Variants in BST1 observed in about 807,000 individuals in gnomAD.
BST1 encodes bone marrow stromal cell antigen 1.
BST1 carries 49 observed loss-of-function variants against 40.6 expected under a neutral mutation model. The ratio of observed to expected loss-of-function variants is 1.21; its 90% CI spans 0.96 to 1.53. The LOEUF is 1.53. BST1 is among the 40% of genes most tolerant of loss of function. The pLI is 0.00. For missense variants in BST1, 423 were observed against 395.9 expected (o/e 1.07, Z -0.58); for synonymous variants, 157 against 159.3 (o/e 0.99, Z 0.11).
At chr4:15,745,326 CATG>C in the BST1 span, among the ~76,000 whole-genome samples, 7 of 152,120 alleles carry the variant, frequency 4.6e-5, no homozygotes, top group Non-Finnish European at 8.8e-5. Context: ...TGTTGTAATT[CATG>C]ATAACTATTA....
At chr4:15,759,034 T>A in the BST1 span, among the ~76,000 whole-genome samples, 1 of 151,930 alleles carries the variant, frequency 6.6e-6, no homozygotes, top group Non-Finnish European at 1.5e-5. Flanking sequence ...CAAGTCCCAT[T>A]TCCACCACAC....
At chr4:15,756,807 G>A in the BST1 span, among the ~76,000 whole-genome samples, 1 of 152,130 alleles carries the variant, frequency 6.6e-6, no homozygotes, top group African/African-American at 2.4e-5. Context: ...TTTCCAAGAT[G>A]CTCATTTGTT....
At chr4:15,730,188 A>C (rs1721303395) in intron 8 of BST1, among the ~76,000 whole-genome samples, 1 of 152,232 alleles carries the variant, frequency 6.6e-6, no homozygotes, top group Admixed American at 6.5e-5. Flanking sequence ...TGGAGTCAGG[A>C]ACTTTTAAGG....
At chr4:15,773,528 G>A in the BST1 span, among the ~76,000 whole-genome samples, 16 of 152,176 alleles carry the variant, frequency 1.1e-4, no homozygotes, top group Non-Finnish European at 1.9e-4. Flanking sequence ...GTTTCTGTGG[G>A]ACTTAGATGT....
chr4:15,750,949 C>A, the BST1 span, among the ~76,000 whole-genome samples: 2 of 152,100 alleles, frequency 1.3e-5, no homozygotes, highest in Non-Finnish European at 2.9e-5. Flanking sequence ...AGTCAAAACT[C>A]ATTATGGTAG....
the BST1 span, among the ~76,000 whole-genome samples, chr4:15,753,149 T>C: frequency 6.6e-6 from 1 of 152,168 alleles, no homozygotes; most frequent in Admixed American, 6.5e-5. Context: ...TGGCAATATA[T>C]CACCCTCCAT....
At chr4:15,763,270 GA>G in the BST1 span, among the ~76,000 whole-genome samples, 1 of 151,602 alleles carries the variant, frequency 6.6e-6, no homozygotes, top group Non-Finnish European at 1.5e-5. Flanking sequence ...TATACAGGAG[GA>G]AAAAATTTAA....
chr4:15,721,345 G>A (rs565812040), intron 7 of BST1, among the ~76,000 whole-genome samples: 1 of 152,212 alleles, frequency 6.6e-6, no homozygotes, highest in East Asian at 1.9e-4. Context: ...CTTCTGGTTG[G>A]TTTCTGCCAG....
the BST1 span, among the ~76,000 whole-genome samples, chr4:15,761,723 A>G: frequency 1.3e-5 from 2 of 151,982 alleles, no homozygotes; most frequent in Admixed American, 6.5e-5. Flanking sequence ...TGGGTGGAAT[A>G]TAGACATGCA....
chr4:15,751,548 T>C, the BST1 span, among the ~76,000 whole-genome samples: 106 of 152,234 alleles, frequency 7.0e-4, no homozygotes, highest in African/African-American at 2.3e-3. Flanking sequence ...TCCTACATAG[T>C]GGAGATCTAG....
chr4:15,740,604 A>G (rs547071085), downstream of BST1, among the ~76,000 whole-genome samples: 3 of 152,304 alleles, frequency 2.0e-5, no homozygotes, highest in East Asian at 1.9e-4. Context: ...TATGTTCTCA[A>G]CTACTGAGTT....
chr4:15,724,055 G>C (rs146986742), intron 8 of BST1, among the ~76,000 whole-genome samples: 283 of 152,222 alleles, frequency 1.9e-3, no homozygotes, highest in African/African-American at 6.6e-3. Flanking sequence ...AGTGTTCTTT[G>C]CTCTGTGAGG....
At chr4:15,770,712 C>T in the BST1 span, among the ~76,000 whole-genome samples, 1 of 151,772 alleles carries the variant, frequency 6.6e-6, no homozygotes, top group Non-Finnish European at 1.5e-5. Flanking sequence ...AACAAACAAA[C>T]AAATAAACAA....
At chr4:15,759,880 G>A in the BST1 span, among the ~76,000 whole-genome samples, 2 of 151,904 alleles carry the variant, frequency 1.3e-5, no homozygotes, top group Non-Finnish European at 2.9e-5. Context: ...AAAATGGAAG[G>A]GAGTTACACC....
the BST1 span, among the ~76,000 whole-genome samples, chr4:15,772,416 C>T: frequency 4.6e-5 from 7 of 152,310 alleles, no homozygotes; most frequent in East Asian, 1.4e-3. Context: ...GCAAAACCCA[C>T]ATTTCTCAGT....
chr4:15,714,182 A>G (rs1376386072), intron 4 of BST1, among the ~76,000 whole-genome samples: 1 of 152,220 alleles, frequency 6.6e-6, no homozygotes, highest in South Asian at 2.1e-4. Flanking sequence ...TATGACTGTT[A>G]GCACTATTTG....
intron 7 of BST1, among the ~76,000 whole-genome samples, chr4:15,721,896 A>G (rs1306073319): frequency 1.3e-5 from 2 of 152,164 alleles, no homozygotes; most frequent in African/African-American, 4.8e-5. Flanking sequence ...AGAGACAACA[A>G]TATCACGTTC....
rs780021634 is a variant in BST1, at chr4:15,707,660, A to G, written c.451+14A>G. 6.2e-7 allele frequency: 1 copy of G among 1,613,692 alleles called. No homozygotes were observed. The highest frequency in any genetic ancestry group is 8.5e-7 in the Non-Finnish European group (1 of 1,179,834). On this transcript the variant is annotated intron_variant, in intron 3 of 8. Transcript: ENST00000265016. ...AAAATGACTCTGGTAAGACTCCTGC[A>G]CAAATCACAGGAGACTTAAGAACTC...
chr4:15,765,926 C>T, the BST1 span, among the ~76,000 whole-genome samples: 1 of 152,008 alleles, frequency 6.6e-6, no homozygotes, highest in South Asian at 2.1e-4. Flanking sequence ...AAGCTTCTGG[C>T]AACCGAATTT....
Sources: allele counts gnomAD v4.1 joint callset (sites outside exome capture counted in the v4.1 genomes callset), GRCh38; gene constraint gnomAD v4.1.1; transcripts MANE v1.5; gene names NCBI Gene and HGNC (gene_info 2026-07-23, HGNC 2026-07-21).